Variants in DPP10 observed in about 807,000 individuals in gnomAD.
The protein encoded by DPP10 is dipeptidyl peptidase like 10, also known as inactive dipeptidyl peptidase 10.
A neutral mutation model predicts 120.9 loss-of-function variants in DPP10; 33 were observed. The observed-to-expected ratio is 0.27, with a 90% confidence interval of 0.21 to 0.37. The LOEUF (loss-of-function observed/expected upper bound fraction) is 0.37. DPP10 is among the 10% of genes least tolerant of loss of function. The pLI is 1.00. For missense variants in DPP10, 816 were observed against 942.8 expected (o/e 0.87, Z 1.76); for synonymous variants, 337 against 326.1 (o/e 1.03, Z -0.36).
At chr2:115,639,803 C>T (rs1416514799) in intron 5 of DPP10, among the ~76,000 whole-genome samples, 2 of 152,040 alleles carry the variant, frequency 1.3e-5, no homozygotes, top group Non-Finnish European at 2.9e-5. Context: ...GATGGTTCTT[C>T]TGTGCAGTCT....
intron 1 of DPP10, among the ~76,000 whole-genome samples, chr2:114,837,338 C>T (rs1002279421): frequency 7.9e-5 from 12 of 152,206 alleles, no homozygotes; most frequent in Admixed American, 1.3e-4. Context: ...CCCTCCGTTC[C>T]GGGTCCCTGA....
intron 5 of DPP10, among the ~76,000 whole-genome samples, chr2:115,565,474 G>A (rs2080942914): frequency 6.6e-6 from 1 of 151,926 alleles, no homozygotes; most frequent in African/African-American, 2.4e-5. Context: ...ATTAATGTAC[G>A]TAAAATGTTA....
chr2:114,930,739 C>G (rs749127720), intron 1 of DPP10, among the ~76,000 whole-genome samples: 2 of 152,126 alleles, frequency 1.3e-5, no homozygotes, highest in Non-Finnish European at 2.9e-5. Flanking sequence ...CTGCTTCTGA[C>G]GAGGGCCTCA....
chr2:115,331,367 A>G (rs898739863), intron 2 of DPP10, among the ~76,000 whole-genome samples: 1 of 152,334 alleles, frequency 6.6e-6, no homozygotes, highest in South Asian at 2.1e-4. Context: ...GTCATCTGCA[A>G]ACAAGGACAA....
chr2:115,827,544 G>A (rs1168743552), intron 21 of DPP10, among the ~76,000 whole-genome samples: 1 of 148,024 alleles, frequency 6.8e-6, no homozygotes, highest in East Asian at 2.0e-4. Context: ...AAAATATATT[G>A]TTATAATTTT....
intron 1 of DPP10, among the ~76,000 whole-genome samples, chr2:115,190,947 G>A (rs1559213378): frequency 1.3e-5 from 2 of 152,188 alleles, no homozygotes; most frequent in African/African-American, 2.4e-5. Context: ...TTATCATTGG[G>A]TTTATAACAA....
chr2:114,809,525 T>G (rs1558763436), intron 1 of DPP10, among the ~76,000 whole-genome samples: 1 of 152,150 alleles, frequency 6.6e-6, no homozygotes, highest in Admixed American at 6.5e-5. Context: ...TTGCAGTAAG[T>G]GGAGTCTTTA....
At chr2:114,778,157 A>G (rs934996615) in intron 1 of DPP10, among the ~76,000 whole-genome samples, 6 of 152,126 alleles carry the variant, frequency 3.9e-5, no homozygotes, top group African/African-American at 1.4e-4. Flanking sequence ...CATCATTATC[A>G]TTCATTACCC....
chr2:115,696,403 T>C (rs991864399), intron 7 of DPP10, among the ~76,000 whole-genome samples: 5 of 152,136 alleles, frequency 3.3e-5, no homozygotes, highest in Non-Finnish European at 7.4e-5. Flanking sequence ...TCAGCAGATT[T>C]CTCATCAGAA....
At chr2:114,479,570 A>G (rs1680827239) in intron 1 of DPP10, among the ~76,000 whole-genome samples, 1 of 152,182 alleles carries the variant, frequency 6.6e-6, no homozygotes, top group Non-Finnish European at 1.5e-5. Context: ...GCATATCTAC[A>G]ACTATCTGAT....
chr2:115,286,172 A>G (rs749815183), intron 1 of DPP10, among the ~76,000 whole-genome samples: 43 of 151,732 alleles, frequency 2.8e-4, no homozygotes, highest in Non-Finnish European at 1.6e-4. Flanking sequence ...GCATCCTAAT[A>G]CTGGTATGCA....
chr2:114,872,690 T>C (rs767180846), intron 1 of DPP10, among the ~76,000 whole-genome samples: 3 of 152,160 alleles, frequency 2.0e-5, no homozygotes, highest in Admixed American at 6.5e-5. Flanking sequence ...TTTTTTCCAC[T>C]GTGCACTCAT....
At chr2:115,547,104 A>C (rs1575147589) in intron 5 of DPP10, among the ~76,000 whole-genome samples, 1 of 152,206 alleles carries the variant, frequency 6.6e-6, no homozygotes, top group Admixed American at 6.5e-5. Flanking sequence ...ATGAAATGTC[A>C]CCTAGTATCC....
chr2:115,038,374 C>CTCCCGGGT (rs1264143199), intron 1 of DPP10, among the ~76,000 whole-genome samples: 1 of 151,942 alleles, frequency 6.6e-6, no homozygotes, highest in African/African-American at 2.4e-5. Context: ...GGGTTCACGC[C>CTCCCGGGT]ATTCTCCTGC....
rs539495074 is a variant in DPP10, at chr2:114,826,745, G to C, written c.60+383907G>C. Among the ~76,000 whole-genome samples the C allele has an allele frequency of 1.4e-4, 22 of 152,256 alleles. No homozygotes were observed. The South Asian group carries it at 4.6e-3, about 32-fold the overall frequency. On this transcript the variant is annotated intron_variant, in intron 1 of 25. Coordinates refer to ENST00000410059, the MANE Select transcript of DPP10 (RefSeq NM_020868.6). ...GGGGTTCACCATATTGGCCAGGCTGGTCCCATCCTCTTGGCCTTGTGATCT... is the reference window on the plus strand; with the variant it reads ...GGGGTTCACCATATTGGCCAGGCTGCTCCCATCCTCTTGGCCTTGTGATCT...
chr2:115,763,327 A>G (rs931391219), intron 12 of DPP10, among the ~76,000 whole-genome samples: 1 of 152,096 alleles, frequency 6.6e-6, no homozygotes, highest in Non-Finnish European at 1.5e-5. Flanking sequence ...ATTTATCCAG[A>G]CACTTCAGTG....
intron 5 of DPP10, among the ~76,000 whole-genome samples, chr2:115,630,219 T>A (rs1259198815): frequency 6.6e-6 from 1 of 152,106 alleles, no homozygotes; most frequent in Non-Finnish European, 1.5e-5. Context: ...CTATTATTAG[T>A]GTATAGGAAA....
chr2:115,383,921 A>G (rs2066641780), intron 3 of DPP10, among the ~76,000 whole-genome samples: 2 of 152,222 alleles, frequency 1.3e-5, no homozygotes, highest in Admixed American at 6.5e-5. Context: ...TAAAAACTTA[A>G]TCCAAAGAAA....
At chr2:114,720,936 T>G (rs1177298339) in intron 1 of DPP10, among the ~76,000 whole-genome samples, 1 of 152,188 alleles carries the variant, frequency 6.6e-6, no homozygotes, top group African/African-American at 2.4e-5. Flanking sequence ...AATGCAAAGC[T>G]GTATAAAGTC....
Sources: allele counts gnomAD v4.1 joint callset (sites outside exome capture counted in the v4.1 genomes callset), GRCh38; gene constraint gnomAD v4.1.1; transcripts MANE v1.5; gene names NCBI Gene and HGNC (gene_info 2026-07-23, HGNC 2026-07-21).